The following ANKRD2 variants were observed in gnomAD, a reference collection of about 807,000 sequenced individuals.
The protein encoded by ANKRD2 is ankyrin repeat domain-containing protein 2.
Under a neutral mutation model 37.3 loss-of-function variants are expected in ANKRD2, and 35 were observed. The observed-to-expected ratio is 0.94, with a 90% CI of 0.72 to 1.24. The LOEUF (loss-of-function observed/expected upper bound fraction) is 1.24, where lower values mean the gene tolerates loss of function less well. Among genes scored for constraint, ANKRD2 ranks in the 50% most tolerant of loss-of-function variants. ANKRD2 has a pLI of 0.00. For synonymous variants in ANKRD2, 159 were observed against 186.5 expected, an observed-to-expected ratio of 0.85 and a Z score of 1.20; for missense variants, 410 against 445.6, an observed-to-expected ratio of 0.92 and a Z score of 0.72.
In ANKRD2 at chr10:97,580,958, G is replaced by A; in HGVS notation, c.555+5G>A. The A allele has an allele frequency of 1.3e-6, 2 of 1,580,108 alleles. No homozygotes were observed. Among genetic ancestry groups the A allele is most frequent in the South Asian group, 1.2e-5 (1 of 86,526 alleles). On this transcript the variant is annotated splice_donor_5th_base_variant and intron_variant, in intron 5 of 8. Transcript: ENST00000370655. Reference sequence around the variant, plus strand: ...ACTGTGGACTTCCAGGATCGGGTGAGTGAGAGGGCAGGTATTCAATGGGAG... The same window carrying A: ...ACTGTGGACTTCCAGGATCGGGTGAATGAGAGGGCAGGTATTCAATGGGAG...
chr10:97,578,457 A>T (rs759296536), intron 3 of ANKRD2, 41 bp from the exon 4 acceptor site: 1 of 1,603,964 alleles, frequency 6.2e-7, no homozygotes. Context: ...GAGGCTTCGG[A>T]TTGCTGGGAC....
At chr10:97,578,761 C>T (rs1012578416) in intron 4 of ANKRD2, among the ~76,000 whole-genome samples, 156 bp downstream of exon 4, 2 of 152,178 alleles carry the variant, frequency 1.3e-5, no homozygotes, top group African/African-American at 4.8e-5. Context: ...GGTGTCCCTT[C>T]CCCGTACAGG....
Position 97,575,346 on chromosome 10 carries a change from T to C in ANKRD2, c.88-2454T>C, listed in dbSNP as rs577959232. Among the ~76,000 whole-genome samples the C allele has an allele frequency of 7.2e-5, 11 of 152,328 alleles. No homozygotes were observed. In the East Asian group the frequency reaches 2.1e-3, roughly 29 times the overall value. ...TGGAGTTCCACTGTGGCGAGTTTAC[T>C]GGGTTAGGTCATCACTGAGAACTTA... On this transcript the variant is annotated intron_variant, in intron 1 of 8. Transcript: ENST00000370655.
chr10:97,576,502 G>A (rs937782983), intron 1 of ANKRD2, among the ~76,000 whole-genome samples: 11 of 151,978 alleles, frequency 7.2e-5, no homozygotes, highest in African/African-American at 2.4e-4. Context: ...GAAAGCAATA[G>A]TTTCCAAGCT....
Position 97,583,705 on chromosome 10 carries a change from C to A in ANKRD2, c.982C>A (p.Gln328Lys). The stretch of plus-strand genomic sequence containing the variant: ...TAATGATAGTGGGCGAGAGACCCCT[C>A]AGCCTGTGCCAGCCCAGTGAATGCG... Reference protein sequence around the residue: ...GPNDSGRETPQPVPAQ With the variant: ...GPNDSGRETPKPVPAQ The change falls in exon 9 of 9, where the codon CAG becomes AAG. Residue 328 changes from glutamine to lysine, a missense_variant. Physicochemically the swap from Gln to Lys is moderately conservative, Grantham distance 53. Transcript: ENST00000370655. The A allele has an allele frequency of 1.9e-6, 3 of 1,563,436 alleles. No homozygotes were observed. The highest frequency in any genetic ancestry group is 2.6e-6 in the Non-Finnish European group (3 of 1,155,734).
chr10:97,581,341 C>A lies in ANKRD2; in HGVS notation c.581C>A (p.Ala194Asp). The A allele has an allele frequency of 6.2e-7, 1 of 1,614,172 alleles. No homozygotes were observed. Among genetic ancestry groups the A allele is most frequent in the Non-Finnish European group, 8.5e-7 (1 of 1,179,988 alleles). ...DRLDCTAMHW[A>D]CRGGHLEVVK... ...CTGGACTGCACAGCCATGCATTGGGCCTGCCGCGGGGGCCACTTAGAGGTG... is the reference window on the plus strand; with the variant it reads ...CTGGACTGCACAGCCATGCATTGGGACTGCCGCGGGGGCCACTTAGAGGTG... Residue 194 changes from alanine (A) to aspartate (D), a missense_variant, in exon 6 of 9, where the codon GCC (alanine) becomes GAC (aspartate). Ala to Asp is a moderately radical substitution (Grantham distance 126). Transcript: ENST00000370655.
chr10:97,572,680 G>T, upstream of ANKRD2: 1 of 1,584,366 alleles, frequency 6.3e-7, no homozygotes, highest in Non-Finnish European at 8.6e-7. Context: ...GGTGGGGGAG[G>T]CAGGTGGAGA....
At chr10:97,577,973 C>A in intron 2 of ANKRD2, 72 bp downstream of exon 2, 1 of 1,400,856 alleles carries the variant, frequency 7.1e-7, no homozygotes, top group Non-Finnish European at 9.6e-7. Context: ...TGCACCTCTC[C>A]CCACGTGGCC....
chr10:97,573,698 A>G (rs2040788757), intron 1 of ANKRD2, among the ~76,000 whole-genome samples: 1 of 152,088 alleles, frequency 6.6e-6, no homozygotes. Context: ...AAGTACTGGG[A>G]TTACAGGTAT....
At chr10:97,574,870 T>A (rs138707885) in intron 1 of ANKRD2, among the ~76,000 whole-genome samples, 3 of 149,360 alleles carry the variant, frequency 2.0e-5, no homozygotes, top group Non-Finnish European at 4.4e-5. Flanking sequence ...AGGTGAGTCA[T>A]GCTGCTATGC....
At position 97,578,590 on chromosome 10, in the gene ANKRD2, C is replaced by T. The variant is rs140424419; in HGVS notation, c.441C>T (p.Ala147=). 1.2e-4 allele frequency: 180 copies of T among 1,557,022 alleles called. No homozygotes were observed. The highest frequency in any genetic ancestry group is 3.4e-4 in the Middle Eastern group (2 of 5,956). The change falls in exon 4 of 9, where the codon GCC becomes GCT. Residue 147 remains alanine (A), a synonymous_variant. Transcript: ENST00000370655. ...IEKFLADGGS[A]DTCDQFRRTA... is the part of the protein sequence containing the mutation. ...AGTTCCTGGCTGACGGGGGGTCAGC[C>T]GACACGTGCGACCAGGTGATGCTCC...
In ANKRD2 at chr10:97,578,525, C is replaced by A. The variant is rs1334499206; in HGVS notation, c.376C>A (p.Leu126Met). Residue 126 changes from leucine (L) to methionine (M), a missense_variant, in exon 4 of 9, where the codon CTG (leucine) becomes ATG (methionine). Physicochemically the swap from Leu to Met is conservative, Grantham distance 15. Transcript: ENST00000370655. ...ITGPVDEETF[L>M]KAAVEGKMKV... ...TGGCCCTGTGGATGAGGAGACCTTC[C>A]TGAAAGCTGCGGTGGAGGGGAAAAT... 6.3e-7 allele frequency: 1 copy of A among 1,579,356 alleles called. No homozygotes were observed.
intron 2 of ANKRD2, 97 bp from the exon 3 acceptor site, chr10:97,578,143 T>TGGGG: frequency 2.6e-6 from 2 of 755,890 alleles, no homozygotes; most frequent in East Asian, 2.7e-5. Context: ...AGGGTCTTCC[T>TGGGG]GCCCACCCCA....
rs773683668 is a variant in ANKRD2 at position 97,578,208 on chromosome 10, G to T, written c.190-32G>T. Reference sequence around the variant, plus strand: ...CCCAAGCCCCCCAAACTCTCTGCCCGGCCTGGGGGGTTGATGGGCCATCCC... The same window carrying T: ...CCCAAGCCCCCCAAACTCTCTGCCCTGCCTGGGGGGTTGATGGGCCATCCC... On this transcript the variant is annotated intron_variant, in intron 2 of 8. Coordinates refer to ENST00000370655, the MANE Select transcript of ANKRD2 (RefSeq NM_001346793.2). The T allele has an allele frequency of 1.6e-5, 21 of 1,290,630 alleles. 1 individual carries two copies. Among genetic ancestry groups the T allele is most frequent in the Admixed American group, 1.5e-4 (7 of 45,922 alleles). The allele number at this position is 1,290,630 out of a possible 1,614,324, so 79.9% of individuals were successfully genotyped here. A position where few individuals can be genotyped will look rare whatever the true frequency, so the allele number is the denominator to read the frequency against.
At chr10:97,577,990 C>A in intron 2 of ANKRD2, 89 bp downstream of exon 2, 2 of 1,317,446 alleles carry the variant, frequency 1.5e-6, no homozygotes, top group Non-Finnish European at 2.1e-6. Flanking sequence ...GGCCCATGGA[C>A]CAGCAGTTCA....
intron 2 of ANKRD2, 63 bp from the exon 3 acceptor site, chr10:97,578,177 A>T (rs1355605729): frequency 6.0e-5 from 76 of 1,272,174 alleles, no homozygotes; most frequent in Middle Eastern, 2.5e-4. Context: ...CTTAGCTCAG[A>T]GGTCTCCCAA....
At chr10:97,580,684 C>G (rs1371600144) in intron 4 of ANKRD2, among the ~76,000 whole-genome samples, 171 bp from the exon 5 acceptor site, 1 of 152,080 alleles carries the variant, frequency 6.6e-6, no homozygotes, top group Non-Finnish European at 1.5e-5. Flanking sequence ...GCAGAGGGCT[C>G]CCAGGCTGGT....
chr10:97,576,379 G>A (rs1040098887), intron 1 of ANKRD2, among the ~76,000 whole-genome samples: 2 of 152,178 alleles, frequency 1.3e-5, no homozygotes, highest in Non-Finnish European at 2.9e-5. Flanking sequence ...GGCAAATGCA[G>A]AGAAGACCTG....
At position 97,583,823 on chromosome 10, in the gene ANKRD2, T is replaced by C. The variant is rs2040938039; in HGVS notation, c.*98T>C. On this transcript the variant is annotated 3_prime_UTR_variant, in exon 9 of 9. Transcript: ENST00000370655. ...GGAGCTAACTGAGGGCCCAGCCTTT[T>C]TTCTGCATGATCCAGGAGCACATAC... The C allele has an allele frequency of 2.2e-6, 3 of 1,346,068 alleles. No homozygotes were observed. The East Asian group carries it at 9.0e-5, about 40-fold the overall frequency. The allele number at this position is 1,346,068 out of a possible 1,614,324, so 83.4% of individuals were successfully genotyped here.
Sources: gnomAD v4.1 joint callset for allele counts (sites outside exome capture counted in the v4.1 genomes callset) on GRCh38, gnomAD v4.1.1 for gene constraint, MANE v1.5 for transcripts, NCBI Gene and HGNC (gene_info 2026-07-23, HGNC 2026-07-21) for gene names.